GABRB1: variants seen among roughly 807,000 people sequenced by gnomAD.
The protein encoded by GABRB1 is gamma-aminobutyric acid type A receptor subunit beta1, also known as gamma-aminobutyric acid receptor subunit beta-1.
A neutral mutation model predicts 51.6 loss-of-function variants in GABRB1; 17 were observed. The ratio of observed to expected loss-of-function variants is 0.33; its 90% CI spans 0.23 to 0.49. The LOEUF (loss-of-function observed/expected upper bound fraction) is 0.49, where lower values mean the gene tolerates loss of function less well. GABRB1 is among the 20% of genes least tolerant of loss of function. GABRB1 has a pLI of 0.99. For synonymous variants in GABRB1, 247 were observed against 218.9 expected, an observed-to-expected ratio of 1.13 and a Z score of -1.14; for missense variants, 410 against 600.6, an observed-to-expected ratio of 0.68 and a Z score of 3.32.
chr4:47,165,444 T>A (rs1231157551), intron 4 of GABRB1, among the ~76,000 whole-genome samples: 1 of 152,054 alleles, frequency 6.6e-6, no homozygotes, highest in African/African-American at 2.4e-5. Context: ...ATGGTTCCCA[T>A]CCATGCTACT....
At chr4:47,237,691 A>T (rs1578023427) in intron 4 of GABRB1, among the ~76,000 whole-genome samples, 1 of 152,054 alleles carries the variant, frequency 6.6e-6, no homozygotes, top group East Asian at 1.9e-4. Context: ...ATGCATGAGC[A>T]GGTATGAAGA....
At chr4:47,102,471 G>C (rs1395448885) in intron 3 of GABRB1, among the ~76,000 whole-genome samples, 1 of 152,000 alleles carries the variant, frequency 6.6e-6, no homozygotes, top group African/African-American at 2.4e-5. Context: ...AAAGGGAAGA[G>C]TGCAAAGAGC....
At position 47,426,107 on chromosome 4, in the gene GABRB1, C is replaced by T. The variant is rs1729285308; in HGVS notation, c.*89C>T. ...CCCCAACAGCGATACTGCTGTTTCTCGAGGTAAGAGATTCAGCCATCCAAT... is the reference window on the plus strand; with the variant it reads ...CCCCAACAGCGATACTGCTGTTTCTTGAGGTAAGAGATTCAGCCATCCAAT... On this transcript the variant is annotated 3_prime_UTR_variant, in exon 9 of 9. Coordinates refer to ENST00000295454, the MANE Select transcript of GABRB1 (RefSeq NM_000812.4). 2.8e-6 allele frequency: 3 copies of T among 1,069,544 alleles called. No individual in the cohort carries two copies. Among genetic ancestry groups the T allele is most frequent in the Middle Eastern group, 2.1e-4 (1 of 4,736 alleles). The allele number at this position is 1,069,544 out of a possible 1,614,324, so 66.3% of individuals were successfully genotyped here. A position where few individuals can be genotyped will look rare whatever the true frequency, so the allele number is the denominator to read the frequency against.
At chr4:47,073,610 A>G (rs900778294) in intron 3 of GABRB1, among the ~76,000 whole-genome samples, 1 of 152,182 alleles carries the variant, frequency 6.6e-6, no homozygotes, top group Non-Finnish European at 1.5e-5. Flanking sequence ...CCTTTTGTCT[A>G]TACTTTGAAG....
intron 3 of GABRB1, among the ~76,000 whole-genome samples, chr4:47,150,078 A>C (rs1409280984): frequency 6.6e-6 from 1 of 151,798 alleles, no homozygotes; most frequent in Non-Finnish European, 1.5e-5. Flanking sequence ...GTCTTATTTT[A>C]TTTACTTTAG....
intron 3 of GABRB1, chr4:47,032,940 G>A: frequency 3.0e-6 from 1 of 335,402 alleles, no homozygotes; most frequent in Non-Finnish European, 6.0e-6. Flanking sequence ...CCAAGGCCCT[G>A]CCACCGAGAG....
chr4:47,287,323 A>C (rs529699346), intron 4 of GABRB1, among the ~76,000 whole-genome samples: 2 of 152,176 alleles, frequency 1.3e-5, no homozygotes, highest in Non-Finnish European at 2.9e-5. Context: ...TTTCTGTTCT[A>C]TGGTGCTATG....
intron 1 of GABRB1, among the ~76,000 whole-genome samples, chr4:47,001,229 G>A (rs909347680): frequency 3.1e-4 from 47 of 152,038 alleles, no homozygotes; most frequent in African/African-American, 7.2e-5. Context: ...TGCAAGCTCC[G>A]CCTCCCGGGT....
chr4:47,031,758 C>G, intron 1 of GABRB1, 27 bp downstream of exon 1: 1 of 1,472,270 alleles, frequency 6.8e-7, no homozygotes. Flanking sequence ...GAATCTCGCT[C>G]TCTCTCTCTC....
At chr4:47,138,807 G>A (rs1351102333) in intron 3 of GABRB1, among the ~76,000 whole-genome samples, 5 of 152,034 alleles carry the variant, frequency 3.3e-5, no homozygotes, top group African/African-American at 1.2e-4. Context: ...ATCCTGAAAT[G>A]CGAGACTTCT....
chr4:47,420,274 C>G (rs531105729), intron 8 of GABRB1, among the ~76,000 whole-genome samples: 1 of 152,198 alleles, frequency 6.6e-6, no homozygotes, highest in African/African-American at 2.4e-5. Flanking sequence ...ATATACCTAC[C>G]ACATAGGTCA....
chr4:46,995,145 G>T (rs1428000093), intron 1 of GABRB1, among the ~76,000 whole-genome samples: 4 of 152,156 alleles, frequency 2.6e-5, no homozygotes, highest in African/African-American at 9.7e-5. Flanking sequence ...CTGTTACAGT[G>T]CATGGCACAT....
At chr4:47,153,848 A>G (rs1246676262) in intron 3 of GABRB1, among the ~76,000 whole-genome samples, 1 of 152,092 alleles carries the variant, frequency 6.6e-6, no homozygotes, top group Non-Finnish European at 1.5e-5. Flanking sequence ...ACAAAGGTAA[A>G]AGAAGATTAT....
chr4:47,343,011 C>T (rs1033500745), intron 5 of GABRB1, among the ~76,000 whole-genome samples: 3 of 152,006 alleles, frequency 2.0e-5, no homozygotes, highest in African/African-American at 7.3e-5. Flanking sequence ...GGATGCTCCA[C>T]AAGCTTGGAT....
chr4:47,410,993 C>G (rs1038918865), intron 8 of GABRB1, among the ~76,000 whole-genome samples: 25 of 152,124 alleles, frequency 1.6e-4, no homozygotes. Context: ...AAACCAAACT[C>G]AACATTCTTT....
intron 4 of GABRB1, among the ~76,000 whole-genome samples, chr4:47,297,639 C>A (rs1724057638): frequency 6.6e-6 from 1 of 152,076 alleles, no homozygotes; most frequent in South Asian, 2.1e-4. Flanking sequence ...CAAAAAGAGT[C>A]CAGGACCAGA....
intron 4 of GABRB1, among the ~76,000 whole-genome samples, chr4:47,275,774 C>A (rs111596120): frequency 1.3e-5 from 2 of 152,056 alleles, no homozygotes; most frequent in Admixed American, 1.3e-4. Context: ...TAGAATGAAG[C>A]GCATAAAAGA....
At chr4:47,194,343 C>T (rs1345091246) in intron 4 of GABRB1, among the ~76,000 whole-genome samples, 1 of 152,128 alleles carries the variant, frequency 6.6e-6, no homozygotes, top group African/African-American at 2.4e-5. Context: ...TACATTTTTT[C>T]ATTGGCTACA....
intron 8 of GABRB1, among the ~76,000 whole-genome samples, chr4:47,417,645 T>C (rs1412862946): frequency 6.6e-6 from 1 of 152,234 alleles, no homozygotes; most frequent in Non-Finnish European, 1.5e-5. Flanking sequence ...CTTCATTAAG[T>C]AGAGTGTAGG....
Sources: gnomAD v4.1 joint callset for allele counts (sites outside exome capture counted in the v4.1 genomes callset) on GRCh38, gnomAD v4.1.1 for gene constraint, MANE v1.5 for transcripts, NCBI Gene and HGNC (gene_info 2026-07-23, HGNC 2026-07-21) for gene names.